CELF2: variants seen among roughly 807,000 people sequenced by gnomAD.
CELF2 encodes CUGBP Elav-like family member 2, also known as CUG triplet repeat RNA-binding protein 2.
CELF2 carries 8 observed loss-of-function variants against 62.6 expected under a neutral mutation model. The ratio of observed to expected loss-of-function variants is 0.13; its 90% confidence interval spans 0.07 to 0.23. The LOEUF (loss-of-function observed/expected upper bound fraction) is 0.23, where lower values mean the gene tolerates loss of function less well. Among genes scored for constraint, CELF2 ranks in the 10% least tolerant of loss-of-function variants. The probability of loss-of-function intolerance (pLI) is 1.00; values close to 1 mark genes in which losing one functional copy is unlikely to be tolerated. For missense variants in CELF2, 333 were observed against 671.0 expected, an observed-to-expected ratio of 0.50 and a Z score of 5.56; for synonymous variants, 258 against 250.0, an observed-to-expected ratio of 1.03 and a Z score of -0.30.
intron 4 of CELF2, among the ~76,000 whole-genome samples, chr10:11,251,614 C>T (rs996727152): frequency 5.3e-5 from 8 of 151,948 alleles, no homozygotes; most frequent in Admixed American, 1.3e-4. Flanking sequence ...GGATTTGACC[C>T]GACTCCACGC....
At position 11,269,511 on chromosome 10, in the gene CELF2, G is replaced by GGA. The variant is rs200878151; in HGVS notation, c.619-1143_619-1142dup. Among the ~76,000 whole-genome samples the GGA allele has an allele frequency of 1.9e-4, 29 of 151,978 alleles. No individual in the cohort carries two copies. Among genetic ancestry groups the GGA allele is most frequent in the Non-Finnish European group, 3.7e-4 (25 of 67,986 alleles). On this transcript the variant is annotated intron_variant, in intron 6 of 12. Coordinates refer to ENST00000633077, the MANE Select transcript of CELF2 (RefSeq NM_001326342.2). The surrounding 1 kb of genome is among the most constrained non-coding windows in gnomAD (Gnocchi z 4.4). ...AAATAGGAATATAACATTTCTGAGA[G>GGA]GAGAGAGAGAGAGGTCTATTATCAT...
chr10:10,726,052 CAAGA>C, the CELF2 span, among the ~76,000 whole-genome samples: 1 of 152,152 alleles, frequency 6.6e-6, no homozygotes, highest in Non-Finnish European at 1.5e-5. Context: ...CCATTTGTCA[CAAGA>C]AAGTTCAGCA....
chr10:10,662,971 G>T, the CELF2 span, among the ~76,000 whole-genome samples: 1 of 152,258 alleles, frequency 6.6e-6, no homozygotes, highest in East Asian at 1.9e-4. Context: ...GTTCTGAAGG[G>T]TCTTATTCAC....
chr10:10,902,665 A>G (rs955544454), intron 1 of CELF2, among the ~76,000 whole-genome samples: 5 of 152,142 alleles, frequency 3.3e-5, no homozygotes, highest in African/African-American at 1.2e-4. Flanking sequence ...TTGATTTATT[A>G]TTTTGGTTAT....
chr10:11,088,243 G>A (rs1234944794), intron 1 of CELF2, among the ~76,000 whole-genome samples: 1 of 152,178 alleles, frequency 6.6e-6, no homozygotes, highest in Non-Finnish European at 1.5e-5. Flanking sequence ...GGCTATGAGG[G>A]GAAAAGACAT....
intron 1 of CELF2, among the ~76,000 whole-genome samples, chr10:10,877,077 A>G (rs1034332318): frequency 1.3e-4 from 20 of 152,238 alleles, no homozygotes; most frequent in African/African-American, 4.6e-4. Context: ...ATGTGGCTCC[A>G]TAAAGGTGAG....
chr10:10,618,068 T>C, the CELF2 span, among the ~76,000 whole-genome samples: 1 of 152,088 alleles, frequency 6.6e-6, no homozygotes, highest in Non-Finnish European at 1.5e-5. Context: ...CCCAGGGCTG[T>C]GACCTTCACT....
chr10:10,967,570 T>C (rs963444054), intron 2 of CELF2, among the ~76,000 whole-genome samples: 3 of 152,134 alleles, frequency 2.0e-5, no homozygotes, highest in African/African-American at 7.2e-5. Flanking sequence ...CCACAATACA[T>C]GTGTGACCCT....
intron 1 of CELF2, among the ~76,000 whole-genome samples, chr10:11,094,038 C>A (rs572084818): frequency 6.6e-6 from 1 of 152,124 alleles, no homozygotes; most frequent in Non-Finnish European, 1.5e-5. Context: ...TATGAGTTCT[C>A]GGAGATTCAA....
At chr10:10,595,435 A>G in the CELF2 span, among the ~76,000 whole-genome samples, 1 of 152,172 alleles carries the variant, frequency 6.6e-6, no homozygotes, top group African/African-American at 2.4e-5. Flanking sequence ...ATAAGGACAT[A>G]CTGAAAGTGA....
chr10:11,033,063 C>T (rs117156299), intron 1 of CELF2, among the ~76,000 whole-genome samples: 131 of 152,232 alleles, frequency 8.6e-4, no homozygotes, highest in East Asian at 1.5e-3. Context: ...TACAGTGCAT[C>T]GACAAGGGTG....
chr10:10,954,633 T>G (rs7074477), intron 2 of CELF2, among the ~76,000 whole-genome samples: 43,332 of 152,080 alleles, frequency 0.28, 7,420 homozygotes, highest in East Asian at 0.75. Flanking sequence ...CAGACACATT[T>G]GTTCGAAAAG....
intron 2 of CELF2, among the ~76,000 whole-genome samples, chr10:11,208,511 C>T (rs1243276044): frequency 6.6e-6 from 1 of 152,212 alleles, no homozygotes; most frequent in Non-Finnish European, 1.5e-5. Flanking sequence ...CAGGGACACT[C>T]GGCAAGGCCT....
chr10:11,005,139 C>T, upstream of CELF2: 1 of 985,076 alleles, frequency 1.0e-6, no homozygotes, highest in South Asian at 4.7e-5. The surrounding 1 kb of genome is among the most constrained non-coding windows in gnomAD (Gnocchi z 4.3). Context: ...TAATAATATG[C>T]ATAGACAACA....
chr10:10,585,601 A>G, the CELF2 span, among the ~76,000 whole-genome samples: 1 of 152,230 alleles, frequency 6.6e-6, no homozygotes, highest in Non-Finnish European at 1.5e-5. Flanking sequence ...CATTTGCTCC[A>G]TATTCCAAGT....
rs1303181103 is a variant in CELF2, at chr10:11,332,051, CACTACTTTT to C, written c.*3008_*3016del. The C allele has an allele frequency of 6.6e-6, 1 of 152,172 alleles. No individual in the cohort carries two copies. The highest frequency in any genetic ancestry group is 1.5e-5 in the Non-Finnish European group (1 of 68,038). The allele number at this position is 152,172 out of a possible 1,614,324, so 9.4% of individuals were successfully genotyped here. A position where few individuals can be genotyped will look rare whatever the true frequency, so the allele number is the denominator to read the frequency against. On this transcript the variant is annotated 3_prime_UTR_variant, in exon 13 of 13. Coordinates refer to ENST00000633077, the MANE Select transcript of CELF2 (RefSeq NM_001326342.2). ...GCCAATCTAAAGGGAAAAAATCCTA[CACTACTTTT>C]ACTACTTTTGATTATTTCTCATTTT... is the stretch of plus-strand genomic sequence containing the variant.
At chr10:10,844,480 A>G (rs373234702) in intron 1 of CELF2, among the ~76,000 whole-genome samples, 36 of 152,260 alleles carry the variant, frequency 2.4e-4, no homozygotes, top group African/African-American at 8.2e-4. Flanking sequence ...TAGATAGTAC[A>G]GAAGATTCCT....
chr10:11,232,539 G>A (rs559199701), intron 3 of CELF2, among the ~76,000 whole-genome samples: 5 of 152,148 alleles, frequency 3.3e-5, no homozygotes, highest in Non-Finnish European at 7.3e-5. Flanking sequence ...TCCAGTTGAC[G>A]AATGGTAAAA....
At chr10:10,582,911 C>T in the CELF2 span, among the ~76,000 whole-genome samples, 5,614 of 152,230 alleles carry the variant, frequency 0.037, 330 homozygotes, top group African/African-American at 0.13. Flanking sequence ...TGGTTTCTTT[C>T]TATTCAAGGG....
Sources: gnomAD v4.1 joint callset for allele counts (sites outside exome capture counted in the v4.1 genomes callset) on GRCh38, gnomAD v4.1.1 for gene constraint, Gnocchi (gnomAD v3.1) non-coding constraint, MANE v1.5 for transcripts, NCBI Gene and HGNC (gene_info 2026-07-23, HGNC 2026-07-21) for gene names.